GALM: variants seen among roughly 807,000 people sequenced by gnomAD.
GALM encodes the protein aldose 1-epimerase.
GALM carries 43 observed loss-of-function variants against 37.4 expected under a neutral mutation model. The observed-to-expected ratio is 1.15, with a 90% CI of 0.90 to 1.48. The LOEUF is 1.48. GALM is among the 40% of genes most tolerant of loss of function. GALM has a pLI of 0.00. For synonymous variants in GALM, 199 were observed against 170.6 expected (o/e 1.17, Z -1.30); for missense variants, 456 against 419.1 (o/e 1.09, Z -0.77).
chr2:38,672,776 G>C lies in GALM; in HGVS notation c.191-3136G>C, dbSNP rs920145554. Among the ~76,000 whole-genome samples the C allele has an allele frequency of 3.3e-5, 5 of 152,156 alleles. No individual in the cohort carries two copies. The East Asian group carries it at 9.7e-4, about 29-fold the overall frequency. The stretch of plus-strand genomic sequence containing the variant: ...CTGGGACACACTTTGGGAGGCCAAG[G>C]CAGGTGGATCACCTGAGGTCAGGAG... On this transcript the variant is annotated intron_variant, in intron 1 of 6. Transcript: ENST00000272252.
intron 2 of GALM, 38 bp from the exon 3 acceptor site, chr2:38,681,242 T>C (rs1665386502): frequency 6.8e-7 from 1 of 1,475,036 alleles, no homozygotes; most frequent in Non-Finnish European, 9.5e-7. Flanking sequence ...AGCTTGAGGA[T>C]GGAGCAACTA....
chr2:38,709,927 T>C (rs1249627198), intron 4 of GALM, among the ~76,000 whole-genome samples: 1 of 152,216 alleles, frequency 6.6e-6, no homozygotes, highest in Non-Finnish European at 1.5e-5. Context: ...CTGACTCTTC[T>C]GAGCCCGACT....
rs1481668818 is a variant in GALM at position 38,666,276 on chromosome 2, A to G, written c.115A>G (p.Thr39Ala). Residue 39 changes from threonine (T) to alanine (A), a missense_variant, in exon 1 of 7, where the codon ACG (threonine) becomes GCG (alanine). Thr to Ala is a moderately conservative substitution (Grantham distance 58). Coordinates refer to ENST00000272252, the MANE Select transcript of GALM (RefSeq NM_138801.3). Reference protein sequence around the residue: ...LRVDIISWGCTITALEVKDRQ... With the variant: ...LRVDIISWGCAITALEVKDRQ... Reference sequence around the variant, plus strand: ...AGTGGACATCATCTCCTGGGGCTGCACGATCACAGCCCTAGAGGTCAAAGA... The same window carrying G: ...AGTGGACATCATCTCCTGGGGCTGCGCGATCACAGCCCTAGAGGTCAAAGA... 1.2e-6 allele frequency: 2 copies of G among 1,613,950 alleles called. No individual in the cohort carries two copies. Among genetic ancestry groups the G allele is most frequent in the African/African-American group, 2.7e-5 (2 of 75,052 alleles).
At chr2:38,696,212 C>T (rs1665801353) in intron 4 of GALM, among the ~76,000 whole-genome samples, 2 of 151,860 alleles carry the variant, frequency 1.3e-5, no homozygotes, top group Admixed American at 6.6e-5. Flanking sequence ...CTCCACCTCC[C>T]GGGTTCAAGC....
At chr2:38,699,115 T>C (rs536819535) in intron 4 of GALM, among the ~76,000 whole-genome samples, 7 of 152,048 alleles carry the variant, frequency 4.6e-5, no homozygotes, top group Admixed American at 4.6e-4. Context: ...GGTTTCACCA[T>C]GTTGGCCAGG....
chr2:38,680,712 T>TAA (rs528798132), intron 2 of GALM, among the ~76,000 whole-genome samples: 3 of 146,498 alleles, frequency 2.0e-5, no homozygotes, highest in African/African-American at 7.4e-5. Flanking sequence ...GCTACAAGAT[T>TAA]AAAAAAAAAA....
chr2:38,717,305 G>C (rs926854739), intron 4 of GALM, among the ~76,000 whole-genome samples: 13 of 102,146 alleles, frequency 1.3e-4, no homozygotes, highest in Non-Finnish European at 2.4e-4. Flanking sequence ...TGTATTAAGG[G>C]AGTGTGTGTG....
rs7608433 is a variant in GALM, at chr2:38,676,540, G to A, written c.345+474G>A. On this transcript the variant is annotated intron_variant, in intron 2 of 6. Transcript: ENST00000272252. ...CACTCTGGGAGGCCGAGGTGGGCAG[G>A]TCACCTGAGGTCAGGAGTTTAAGAC... Among the ~76,000 whole-genome samples, 868 of 152,238 alleles carry A rather than the reference G, an allele frequency of 5.7e-3. 7 individuals carry two copies. Among genetic ancestry groups the A allele is most frequent in the African/African-American group, 0.02 (823 of 41,560 alleles).
chr2:38,715,817 T>C (rs1666259704), intron 4 of GALM, among the ~76,000 whole-genome samples: 1 of 152,238 alleles, frequency 6.6e-6, no homozygotes, highest in African/African-American at 2.4e-5. Context: ...ACTGAGTACT[T>C]ACCACTTGCT....
intron 1 of GALM, among the ~76,000 whole-genome samples, chr2:38,667,225 A>C (rs1269798440): frequency 6.6e-6 from 1 of 152,074 alleles, no homozygotes; most frequent in African/African-American, 2.4e-5. Context: ...ACTGAGAGTT[A>C]ATACTCTCTG....
chr2:38,682,421 T>G (rs1326657767), intron 3 of GALM, among the ~76,000 whole-genome samples: 1 of 152,226 alleles, frequency 6.6e-6, no homozygotes, highest in Admixed American at 6.5e-5. Context: ...GCTAGTAATA[T>G]CTCACCTTTT....
intron 2 of GALM, among the ~76,000 whole-genome samples, chr2:38,676,795 C>A (rs2148427370): frequency 6.6e-6 from 1 of 152,218 alleles, no homozygotes; most frequent in South Asian, 2.1e-4. Context: ...AAATAAAGGG[C>A]CACATGACTC....
chr2:38,672,455 G>A (rs1469625730), intron 1 of GALM, among the ~76,000 whole-genome samples: 1 of 152,192 alleles, frequency 6.6e-6, no homozygotes, highest in Non-Finnish European at 1.5e-5. Context: ...GTGGGGAGAG[G>A]TGGGAATAGG....
chr2:38,679,718 A>C (rs1162883606), intron 2 of GALM, among the ~76,000 whole-genome samples: 2 of 152,238 alleles, frequency 1.3e-5, no homozygotes, highest in East Asian at 3.9e-4. Context: ...CTCAGGATCC[A>C]GTCCAATGCC....
At chr2:38,673,832 C>CAA (rs143330964) in intron 1 of GALM, among the ~76,000 whole-genome samples, 3 of 144,704 alleles carry the variant, frequency 2.1e-5, no homozygotes, top group African/African-American at 5.1e-5. Context: ...AAAGGGAACT[C>CAA]AAAAAAAAAT....
At chr2:38,704,131 A>T (rs909080699) in intron 4 of GALM, among the ~76,000 whole-genome samples, 18 of 151,784 alleles carry the variant, frequency 1.2e-4, no homozygotes, top group Admixed American at 1.1e-3. Flanking sequence ...GGGTTTTCTT[A>T]TCTTTTTTCC....
chr2:38,711,493 C>A (rs1015074915), intron 4 of GALM, among the ~76,000 whole-genome samples: 2 of 152,002 alleles, frequency 1.3e-5, no homozygotes, highest in African/African-American at 4.8e-5. Flanking sequence ...TCGTGTTGAA[C>A]TTGCTGTCAG....
At chr2:38,714,203 G>T (rs530903218) in intron 4 of GALM, among the ~76,000 whole-genome samples, 9 of 151,050 alleles carry the variant, frequency 6.0e-5, no homozygotes, top group East Asian at 2.0e-4. Context: ...CTACTTTGGG[G>T]TTTTTTTTGC....
At chr2:38,702,486 A>T (rs1188112725) in intron 4 of GALM, among the ~76,000 whole-genome samples, 1 of 151,510 alleles carries the variant, frequency 6.6e-6, no homozygotes, top group Non-Finnish European at 1.5e-5. Context: ...CCACCCAATA[A>T]CCTCTTCTTT....
Sources: gnomAD v4.1 joint callset for allele counts (sites outside exome capture counted in the v4.1 genomes callset) on GRCh38, gnomAD v4.1.1 for gene constraint, MANE v1.5 for transcripts, NCBI Gene and HGNC (gene_info 2026-07-23, HGNC 2026-07-21) for gene names.